CPVL: variants seen among roughly 807,000 people sequenced by gnomAD.
CPVL encodes probable serine carboxypeptidase CPVL.
In CPVL, 51 loss-of-function variants were observed where a neutral mutation model predicts 63.7. That is an observed-to-expected ratio of 0.80 (90% CI 0.64 to 1.01). The LOEUF (loss-of-function observed/expected upper bound fraction) is 1.01, where lower values mean the gene tolerates loss of function less well. Among genes scored for constraint, CPVL ranks in the 50% least tolerant of loss-of-function variants. The probability of loss-of-function intolerance (pLI) is 0.00; values close to 1 mark genes in which losing one functional copy is unlikely to be tolerated. For missense variants in CPVL, 530 were observed against 573.1 expected (o/e 0.92, Z 0.77); for synonymous variants, 195 against 206.0 (o/e 0.95, Z 0.46).
intron 7 of CPVL, among the ~76,000 whole-genome samples, chr7:29,078,351 T>C (rs547123551): frequency 6.6e-5 from 10 of 152,352 alleles, no homozygotes; most frequent in African/African-American, 2.4e-4. Context: ...TTGACAGGCA[T>C]AGGTGAACAA....
intron 2 of CPVL, among the ~76,000 whole-genome samples, chr7:29,115,347 C>T (rs1250055609): frequency 6.6e-6 from 1 of 152,040 alleles, no homozygotes; most frequent in East Asian, 1.9e-4. Flanking sequence ...ACATTCTGTT[C>T]CCAATGAGGT....
chr7:29,119,476 A>G (rs1391330294), intron 2 of CPVL, among the ~76,000 whole-genome samples: 1 of 130,494 alleles, frequency 7.7e-6, no homozygotes, highest in African/African-American at 3.0e-5. Flanking sequence ...ACAGAGCAAG[A>G]TTCTGTCTCA....
At chr7:29,105,548 T>C (rs371646886) in intron 3 of CPVL, among the ~76,000 whole-genome samples, 1 of 152,344 alleles carries the variant, frequency 6.6e-6, no homozygotes, top group African/African-American at 2.4e-5. Flanking sequence ...CCAGACCACA[T>C]GTCCAGCCCT....
At chr7:29,032,910 C>T (rs986231400) in intron 11 of CPVL, among the ~76,000 whole-genome samples, 3 of 152,152 alleles carry the variant, frequency 2.0e-5, no homozygotes, top group Admixed American at 6.5e-5. Flanking sequence ...ACATGTTGAA[C>T]TGACATGGAA....
At chr7:29,048,188 A>G (rs1277842190) in intron 11 of CPVL, among the ~76,000 whole-genome samples, 2 of 152,218 alleles carry the variant, frequency 1.3e-5, no homozygotes, top group Non-Finnish European at 2.9e-5. Context: ...AACAAATAGC[A>G]CGATGAATGC....
intron 12 of CPVL, among the ~76,000 whole-genome samples, chr7:29,023,706 C>A (rs1004207685): frequency 3.9e-5 from 6 of 152,160 alleles, no homozygotes; most frequent in African/African-American, 9.7e-5. Flanking sequence ...CAGCCTAACC[C>A]ACTGAGGAAC....
At chr7:29,088,694 A>G (rs940286771) in intron 6 of CPVL, among the ~76,000 whole-genome samples, 3 of 152,368 alleles carry the variant, frequency 2.0e-5, no homozygotes, top group African/African-American at 7.2e-5. Flanking sequence ...CTAAACATAT[A>G]TATAATACAT....
At chr7:29,176,481 C>T (rs1337046788) in intron 5 of CPVL, among the ~76,000 whole-genome samples, 1 of 152,074 alleles carries the variant, frequency 6.6e-6, no homozygotes, top group Non-Finnish European at 1.5e-5. Context: ...CTTCAAATTG[C>T]TGAAGGAAAT....
intron 3 of CPVL, among the ~76,000 whole-genome samples, chr7:29,107,843 G>C (rs1041092047): frequency 7.2e-5 from 11 of 152,218 alleles, no homozygotes; most frequent in African/African-American, 2.7e-4. Flanking sequence ...AGTGTACATG[G>C]CACCATGCTG....
At chr7:29,031,401 T>G (rs939610384) in intron 11 of CPVL, among the ~76,000 whole-genome samples, 17 of 152,250 alleles carry the variant, frequency 1.1e-4, no homozygotes, top group African/African-American at 3.6e-4. Context: ...ATTTTTTGTA[T>G]GTGTCAAACT....
At chr7:29,133,124 G>A (rs1790859454) in intron 1 of CPVL, among the ~76,000 whole-genome samples, 1 of 151,856 alleles carries the variant, frequency 6.6e-6, no homozygotes, top group African/African-American at 2.4e-5. Flanking sequence ...AAAGCCCACA[G>A]GCTGGTTCAT....
At position 29,044,825 on chromosome 7, in the gene CPVL, G is replaced by GT. The variant is rs11398981; in HGVS notation, c.1138-14067dup. 9.4e-3 allele frequency among the ~76,000 whole-genome samples: 1,430 copies of GT among 152,236 alleles called. 25 individuals carry two copies. Among genetic ancestry groups the GT allele is most frequent in the African/African-American group, 0.031 (1,280 of 41,536 alleles). ...AAATATACATTTCTTAGCTTACTGG[G>GT]TTTTAGATCTCTGGAATCTGCATAG... On this transcript the variant is annotated intron_variant, in intron 11 of 12. Coordinates refer to ENST00000265394, the MANE Select transcript of CPVL (RefSeq NM_031311.5).
intron 12 of CPVL, among the ~76,000 whole-genome samples, chr7:29,028,059 A>G (rs562349239): frequency 9.9e-5 from 15 of 152,246 alleles, no homozygotes; most frequent in Non-Finnish European, 2.1e-4. Flanking sequence ...ACAAAGCAAT[A>G]ACAACCAAAA....
chr7:29,093,095 A>G (rs59012850), intron 5 of CPVL, among the ~76,000 whole-genome samples: 29,595 of 152,062 alleles, frequency 0.19, 3,075 homozygotes, highest in East Asian at 0.37. Flanking sequence ...CCTGCCAAGA[A>G]GAAACTCTTG....
chr7:29,140,173 CT>C (rs1288925778), intron 1 of CPVL, among the ~76,000 whole-genome samples: 1 of 152,182 alleles, frequency 6.6e-6, no homozygotes, highest in Non-Finnish European at 1.5e-5. Flanking sequence ...GACACAGTGG[CT>C]CACACTTGTA....
chr7:29,146,680 A>G (rs887473568), upstream of CPVL: 1 of 1,550,452 alleles, frequency 6.4e-7, no homozygotes, highest in African/African-American at 1.4e-5. Flanking sequence ...CCATGCTGGA[A>G]GAAGCAAGCA....
At chr7:29,049,235 G>A (rs1789919000) in intron 11 of CPVL, among the ~76,000 whole-genome samples, 2 of 151,860 alleles carry the variant, frequency 1.3e-5, no homozygotes, top group Non-Finnish European at 2.9e-5. Flanking sequence ...ACAAAGAGCT[G>A]GTTCTTTGAA....
At chr7:29,071,988 C>A in intron 8 of CPVL, 84 bp from the exon 9 acceptor site, 1 of 1,545,274 alleles carries the variant, frequency 6.5e-7, no homozygotes, top group South Asian at 1.2e-5. Flanking sequence ...TGAAATAATC[C>A]TTTGTAATTG....
chr7:28,994,888 G>A (rs773571313), downstream of CPVL, among the ~76,000 whole-genome samples: 9 of 152,242 alleles, frequency 5.9e-5, no homozygotes, highest in Non-Finnish European at 1.3e-4. Flanking sequence ...TTTCAGAGAT[G>A]TGAGCACATG....
Sources: gnomAD v4.1 joint callset for allele counts (sites outside exome capture counted in the v4.1 genomes callset) on GRCh38, gnomAD v4.1.1 for gene constraint, MANE v1.5 for transcripts, NCBI Gene and HGNC (gene_info 2026-07-23, HGNC 2026-07-21) for gene names.